ARHGAP24: variants seen among roughly 807,000 people sequenced by gnomAD.
ARHGAP24 encodes the protein Rho GTPase activating protein 24, also known as rho GTPase-activating protein 24.
A neutral mutation model predicts 76.4 loss-of-function variants in ARHGAP24; 50 were observed. The ratio of observed to expected loss-of-function variants is 0.65; its 90% CI spans 0.52 to 0.83. The LOEUF (loss-of-function observed/expected upper bound fraction) is 0.83. Ranked by LOEUF, ARHGAP24 falls within the 40% of genes least tolerant of loss-of-function variation. The pLI, the probability that ARHGAP24 is intolerant of heterozygous loss-of-function variation, is 0.00. For synonymous variants in ARHGAP24, 345 were observed against 323.3 expected (o/e 1.07, Z -0.72); for missense variants, 930 against 914.2 (o/e 1.02, Z -0.22).
intron 2 of ARHGAP24, among the ~76,000 whole-genome samples, chr4:85,710,683 A>G (rs555656106): frequency 2.0e-5 from 3 of 152,320 alleles, no homozygotes; most frequent in Non-Finnish European, 4.4e-5. Flanking sequence ...GAAGACACAC[A>G]TGCAGCCAAA....
intron 1 of ARHGAP24, among the ~76,000 whole-genome samples, chr4:85,480,576 ATTAG>A (rs1477832682): frequency 6.6e-6 from 1 of 152,180 alleles, no homozygotes; most frequent in African/African-American, 2.4e-5. Context: ...TCTTGATACA[ATTAG>A]TTAAATATTT....
At chr4:85,655,793 A>G (rs1458843252) in intron 2 of ARHGAP24, among the ~76,000 whole-genome samples, 1 of 27,496 alleles carries the variant, frequency 3.6e-5, no homozygotes, top group Admixed American at 4.1e-4. Flanking sequence ...ATATATATAT[A>G]GAGAGAGAGA....
intron 1 of ARHGAP24, among the ~76,000 whole-genome samples, chr4:85,486,280 G>GTT (rs963682306): frequency 2.0e-5 from 3 of 148,238 alleles, no homozygotes; most frequent in African/African-American, 7.4e-5. Context: ...GTATGAGGGT[G>GTT]TTTTTTTTTT....
At chr4:85,674,328 G>A (rs1722905089) in intron 2 of ARHGAP24, among the ~76,000 whole-genome samples, 1 of 152,170 alleles carries the variant, frequency 6.6e-6, no homozygotes, top group Non-Finnish European at 1.5e-5. Context: ...AAGCAGTCTT[G>A]CTGAACAGTT....
intron 3 of ARHGAP24, among the ~76,000 whole-genome samples, chr4:85,833,492 A>C (rs560276848): frequency 2.0e-4 from 31 of 152,214 alleles, no homozygotes; most frequent in African/African-American, 5.5e-4. Context: ...GGGAAAAAAA[A>C]AACAACAACA....
intron 3 of ARHGAP24, among the ~76,000 whole-genome samples, chr4:85,770,588 G>A (rs1050487805): frequency 6.6e-6 from 1 of 151,932 alleles, no homozygotes; most frequent in East Asian, 1.9e-4. Flanking sequence ...TAAAACATAC[G>A]GGAGATAATT....
intron 2 of ARHGAP24, among the ~76,000 whole-genome samples, chr4:85,627,732 C>T (rs1215784954): frequency 6.6e-6 from 1 of 152,246 alleles, no homozygotes; most frequent in Non-Finnish European, 1.5e-5. Context: ...TTCCAGCTTC[C>T]CCGGCTGCTC....
intron 1 of ARHGAP24, among the ~76,000 whole-genome samples, chr4:85,523,842 CA>C (rs1724879700): frequency 6.6e-6 from 1 of 150,684 alleles, no homozygotes; most frequent in South Asian, 2.1e-4. Context: ...AAAAAAAAGG[CA>C]AAATATTAAA....
chr4:85,884,905 A>G (rs779127075), intron 3 of ARHGAP24, among the ~76,000 whole-genome samples: 39 of 152,178 alleles, frequency 2.6e-4, no homozygotes, highest in Non-Finnish European at 4.3e-4. Context: ...AGGTATAAAC[A>G]TAATCTCTAA....
intron 3 of ARHGAP24, among the ~76,000 whole-genome samples, chr4:85,824,808 C>T (rs1273027468): frequency 6.6e-6 from 1 of 152,080 alleles, no homozygotes; most frequent in Non-Finnish European, 1.5e-5. Flanking sequence ...ACTAAATACC[C>T]GGCCAGGTTG....
At chr4:85,772,290 C>G (rs141734011) in intron 3 of ARHGAP24, among the ~76,000 whole-genome samples, 1 of 152,156 alleles carries the variant, frequency 6.6e-6, no homozygotes, top group Non-Finnish European at 1.5e-5. Context: ...ATCTAATTGT[C>G]ATTAACAGCA....
intron 1 of ARHGAP24, among the ~76,000 whole-genome samples, chr4:85,493,730 G>C (rs1369347234): frequency 6.6e-6 from 1 of 152,134 alleles, no homozygotes; most frequent in Non-Finnish European, 1.5e-5. Context: ...TGTTATTAAA[G>C]AATAGAATTT....
chr4:85,547,632 A>G (rs1725969530), intron 1 of ARHGAP24, among the ~76,000 whole-genome samples: 2 of 151,978 alleles, frequency 1.3e-5, no homozygotes, highest in Admixed American at 6.6e-5. Flanking sequence ...ATGGGTTTTC[A>G]TTATGTTGCC....
chr4:85,715,995 G>A (rs6531858), intron 2 of ARHGAP24, among the ~76,000 whole-genome samples: 145,941 of 152,144 alleles, frequency 0.96, 70,299 homozygotes, highest in East Asian at 1. Flanking sequence ...TCTCACTTTC[G>A]AACCTCTGTC....
rs138875435 is a variant in ARHGAP24 at position 85,632,360 on chromosome 4, A to G, written c.180+61639A>G. On this transcript the variant is annotated intron_variant, in intron 2 of 9. Transcript: ENST00000395184. Reference sequence around the variant, plus strand: ...CTCAACTTAAGTTATGTGTCACGTAACTGGAGAACTGGGAACATGTGTTGT... The same window carrying G: ...CTCAACTTAAGTTATGTGTCACGTAGCTGGAGAACTGGGAACATGTGTTGT... Among the ~76,000 whole-genome samples the G allele has an allele frequency of 6.1e-3, 930 of 152,126 alleles. 9 individuals are homozygous for G. Among genetic ancestry groups the G allele is most frequent in the African/African-American group, 0.021 (873 of 41,534 alleles).
chr4:85,738,348 C>T (rs1725679582), intron 3 of ARHGAP24, among the ~76,000 whole-genome samples: 1 of 149,128 alleles, frequency 6.7e-6, no homozygotes, highest in Non-Finnish European at 1.5e-5. Context: ...AAATCTTTGG[C>T]CTAGTTTTCA....
chr4:85,972,326 C>G, intron 6 of ARHGAP24, 158 bp downstream of exon 6: 1 of 897,696 alleles, frequency 1.1e-6, no homozygotes, highest in South Asian at 1.6e-5. Context: ...GTATACAGCT[C>G]AAGCACCATT....
intron 3 of ARHGAP24, among the ~76,000 whole-genome samples, chr4:85,737,306 C>T (rs1301382550): frequency 6.6e-6 from 1 of 152,152 alleles, no homozygotes; most frequent in Non-Finnish European, 1.5e-5. Flanking sequence ...GATTTGATTT[C>T]TGCTTCCTTT....
rs9997672 is a variant in ARHGAP24 at position 85,492,565 on chromosome 4, T to A, written c.-21+17006T>A. ...TGCCAAGCCACTTAAAACATTTTTT[T>A]AAATGGGGATAATTGCCAAACGGGA... On this transcript the variant is annotated intron_variant, in intron 1 of 9. Coordinates refer to ENST00000395184, the MANE Select transcript of ARHGAP24 (RefSeq NM_001025616.3). Among the ~76,000 whole-genome samples the A allele has an allele frequency of 1.4e-3, 216 of 152,312 alleles. 1 individual carries two copies. The highest frequency in any genetic ancestry group is 5.1e-3 in the African/African-American group (211 of 41,568).
Sources: gnomAD v4.1 joint callset for allele counts (sites outside exome capture counted in the v4.1 genomes callset) on GRCh38, gnomAD v4.1.1 for gene constraint, MANE v1.5 for transcripts, NCBI Gene and HGNC (gene_info 2026-07-23, HGNC 2026-07-21) for gene names.